The following NAT2 variants were observed in gnomAD, a reference collection of about 807,000 sequenced individuals.
NAT2 encodes arylamine N-acetyltransferase 2.
For missense variants in NAT2, 428 were observed against 339.1 expected, an observed-to-expected ratio of 1.26 and a Z score of -2.06; for synonymous variants, 137 against 125.9, an observed-to-expected ratio of 1.09 and a Z score of -0.59.
chr8:18,386,310 T>A (rs747670623), upstream of NAT2, among the ~76,000 whole-genome samples: 1 of 152,338 alleles, frequency 6.6e-6, no homozygotes, highest in Admixed American at 6.5e-5. Context: ...GTGAGGCATG[T>A]CAGTCACTGC....
At chr8:18,394,463 A>G (rs1304415699) in intron 1 of NAT2, among the ~76,000 whole-genome samples, 1 of 152,202 alleles carries the variant, frequency 6.6e-6, no homozygotes, top group African/African-American at 2.4e-5. Flanking sequence ...CTTTTTAAAA[A>G]ATGGCTTTGC....
chr8:18,400,789 G>A lies in NAT2; in HGVS notation c.786G>A (p.Glu262=). ...AGTTTAAAACTCTCACTGAGGAAGA[G>A]GTTGAAGAAGTGCTGAGAAATATAT... ...LVEFKTLTEE[E]VEEVLRNIFK... Residue 262 remains glutamate, a synonymous_variant, in exon 2 of 2, where the codon GAG becomes GAA. Transcript: ENST00000286479. The A allele has an allele frequency of 6.2e-7, 1 of 1,612,734 alleles. No individual in the cohort carries two copies. Among genetic ancestry groups the A allele is most frequent in the Non-Finnish European group, 8.5e-7 (1 of 1,179,706 alleles).
chr8:18,388,950 C>A (rs1034137908), upstream of NAT2, among the ~76,000 whole-genome samples: 2 of 152,132 alleles, frequency 1.3e-5, no homozygotes, highest in Admixed American at 6.5e-5. Context: ...CTGTGGGAGG[C>A]TGTAGGGTAT....
upstream of NAT2, among the ~76,000 whole-genome samples, chr8:18,387,948 G>A: frequency 1.3e-5 from 2 of 152,324 alleles, no homozygotes; most frequent in South Asian, 4.1e-4. Flanking sequence ...AAGGGTTGGA[G>A]TTGAATGTTT....
upstream of NAT2, among the ~76,000 whole-genome samples, chr8:18,390,832 T>G (rs1294884287): frequency 6.6e-6 from 1 of 151,826 alleles, no homozygotes; most frequent in Non-Finnish European, 1.5e-5. Flanking sequence ...TGAATGAGAG[T>G]GAGGATGAGA....
chr8:18,387,140 T>G (rs1163895919), upstream of NAT2: 1 of 152,674 alleles, frequency 6.5e-6, no homozygotes, highest in Non-Finnish European at 1.5e-5. Context: ...CTGGACGGGA[T>G]CGTCCCCTTG....
At chr8:18,398,820 T>C (rs1800738505) in intron 1 of NAT2, among the ~76,000 whole-genome samples, 2 of 152,206 alleles carry the variant, frequency 1.3e-5, no homozygotes, top group Admixed American at 1.3e-4. Context: ...TTAGGTCACA[T>C]GCCACCCATC....
rs750089838 is a variant in NAT2, at chr8:18,400,222, A to C, written c.219A>C (p.Gln73His). Residue 73 changes from glutamine to histidine, a missense_variant, in exon 2 of 2, where the codon CAA becomes CAC. Physicochemically the swap from Gln to His is conservative, Grantham distance 24. Coordinates refer to ENST00000286479, the MANE Select transcript of NAT2 (RefSeq NM_000015.3). Reference sequence around the variant, plus strand: ...GTGGGTGGTGTCTCCAGGTCAATCAACTTCTGTACTGGGCTCTGACCACAA... The same window carrying C: ...GTGGGTGGTGTCTCCAGGTCAATCACCTTCTGTACTGGGCTCTGACCACAA... ...NRGGWCLQVN[Q>H]LLYWALTTIG... The C allele has an allele frequency of 6.2e-6, 10 of 1,612,108 alleles. No individual in the cohort carries two copies. In the South Asian group the frequency reaches 1.1e-4, roughly 18 times the overall value.
At chr8:18,392,888 T>C (rs1370932506) in intron 1 of NAT2, among the ~76,000 whole-genome samples, 2 of 152,188 alleles carry the variant, frequency 1.3e-5, no homozygotes, top group African/African-American at 2.4e-5. Context: ...GGCCTTGTTA[T>C]GTAGACGAAC....
At chr8:18,386,500 G>A (rs1437785162), upstream of NAT2, among the ~76,000 whole-genome samples, 3 of 152,204 alleles carry the variant, frequency 2.0e-5, no homozygotes, top group Non-Finnish European at 4.4e-5. Flanking sequence ...GAGCAGAGAA[G>A]ACCATGGTGT....
intron 1 of NAT2, among the ~76,000 whole-genome samples, chr8:18,394,291 C>A (rs1476774772): frequency 6.6e-6 from 1 of 152,130 alleles, no homozygotes; most frequent in Non-Finnish European, 1.5e-5. Context: ...AACCGGCCAT[C>A]TGGATGTGTA....
intron 1 of NAT2, among the ~76,000 whole-genome samples, chr8:18,391,620 A>T (rs1800592980): frequency 6.6e-6 from 1 of 152,218 alleles, no homozygotes; most frequent in Non-Finnish European, 1.5e-5. Context: ...TGGGAATAAG[A>T]TACCAAATTC....
At chr8:18,395,688 T>C (rs1393535611) in intron 1 of NAT2, among the ~76,000 whole-genome samples, 1 of 152,174 alleles carries the variant, frequency 6.6e-6, no homozygotes, top group African/African-American at 2.4e-5. Flanking sequence ...ACAAGTTTCA[T>C]ATATTAAAAG....
Position 18,400,322 on chromosome 8 carries a change from C to T in NAT2, c.319C>T (p.His107Tyr). The change falls in exon 2 of 2, where the codon CAC (histidine) becomes TAC (tyrosine). Residue 107 changes from histidine to tyrosine, a missense_variant. Physicochemically the swap from His to Tyr is moderately conservative, Grantham distance 83. Transcript: ENST00000286479. ...PVNKYSTGMV[H>Y]LLLQVTIDGR... is the part of the protein sequence containing the mutation. Reference sequence around the variant, plus strand: ...TAACAAATACAGCACTGGCATGGTTCACCTTCTCCTGCAGGTGACCATTGA... The same window carrying T: ...TAACAAATACAGCACTGGCATGGTTTACCTTCTCCTGCAGGTGACCATTGA... 1 of 1,613,738 alleles carries T rather than the reference C, an allele frequency of 6.2e-7. No homozygotes were observed. Among genetic ancestry groups the T allele is most frequent in the Non-Finnish European group, 8.5e-7 (1 of 1,179,870 alleles).
chr8:18,399,270 A>C (rs756651643), intron 1 of NAT2, among the ~76,000 whole-genome samples: 2 of 152,150 alleles, frequency 1.3e-5, no homozygotes, highest in Non-Finnish European at 2.9e-5. Context: ...GCCTTTCTTT[A>C]ACCACCTTGT....
Position 18,400,624 on chromosome 8 carries a change from A to G in NAT2, c.621A>G (p.Thr207=). The G allele has an allele frequency of 6.2e-7, 1 of 1,614,002 alleles. No homozygotes were observed. Among genetic ancestry groups the G allele is most frequent in the Non-Finnish European group, 8.5e-7 (1 of 1,179,974 alleles). Residue 207 remains threonine, a synonymous_variant, in exon 2 of 2, where the codon ACA becomes ACG. Transcript: ENST00000286479. The part of the protein sequence containing the change: ...RTIEDFESMN[T]YLQTSPTSSF... ...TTGAAGATTTTGAGTCTATGAATAC[A>G]TACCTGCAGACGTCTCCAACATCTT...
chr8:18,398,827 C>T (rs146219448), intron 1 of NAT2, among the ~76,000 whole-genome samples: 1 of 152,186 alleles, frequency 6.6e-6, no homozygotes, highest in Non-Finnish European at 1.5e-5. Flanking sequence ...ACATGCCACC[C>T]ATCAGCCAAG....
intron 1 of NAT2, among the ~76,000 whole-genome samples, chr8:18,399,366 T>G (rs531282817): frequency 1.4e-4 from 21 of 152,214 alleles, no homozygotes; most frequent in Non-Finnish European, 2.1e-4. Flanking sequence ...GACTGCATGT[T>G]TTATCCATTT....
In NAT2 at chr8:18,392,673, C is replaced by G. The variant is rs1486952881; in HGVS notation, c.-7+1328C>G. 3.3e-5 allele frequency among the ~76,000 whole-genome samples: 5 copies of G among 152,326 alleles called. No homozygotes were observed. In the East Asian group the frequency reaches 9.6e-4, roughly 29 times the overall value. ...AATACTTTGAATCCTTCAATCCAATCAAGTTGACACTCAATATTAACCACC... is the reference window on the plus strand; with the variant it reads ...AATACTTTGAATCCTTCAATCCAATGAAGTTGACACTCAATATTAACCACC... On this transcript the variant is annotated intron_variant, in intron 1 of 1. Coordinates refer to ENST00000286479, the MANE Select transcript of NAT2 (RefSeq NM_000015.3).
Sources: gnomAD v4.1 joint callset for allele counts (sites outside exome capture counted in the v4.1 genomes callset) on GRCh38, gnomAD v4.1.1 for gene constraint, MANE v1.5 for transcripts, NCBI Gene and HGNC (gene_info 2026-07-23, HGNC 2026-07-21) for gene names.